The following CDH23 variants were observed in gnomAD, a reference collection of about 807,000 sequenced individuals.
CDH23 encodes cadherin-23.
A neutral mutation model predicts 317.1 loss-of-function variants in CDH23; 189 were observed. The observed-to-expected ratio is 0.60, with a 90% confidence interval of 0.53 to 0.67. CDH23 has a LOEUF of 0.67. Ranked by LOEUF, CDH23 falls within the 30% of genes least tolerant of loss-of-function variation. The pLI, the probability that CDH23 is intolerant of heterozygous loss-of-function variation, is 0.00. For synonymous variants in CDH23, 1,839 were observed against 1,876.8 expected (o/e 0.98, Z 0.52); for missense variants, 4,401 against 4,592.4 (o/e 0.96, Z 1.20).
intron 11 of CDH23, among the ~76,000 whole-genome samples, chr10:71,629,488 G>T (rs1380555339): frequency 6.6e-6 from 1 of 152,238 alleles, no homozygotes; most frequent in African/African-American, 2.4e-5. Context: ...CTGTGGTCAG[G>T]ACTTGGCTCT....
intron 38 of CDH23, among the ~76,000 whole-genome samples, chr10:71,759,874 C>CACACACACACATATAT (rs1564779205): frequency 1.4e-5 from 1 of 70,274 alleles, no homozygotes; most frequent in Non-Finnish European, 3.5e-5. Flanking sequence ...CATATATATA[C>CACACACACACATATAT]ACACACACAC....
rs142663207 is a variant in CDH23 at position 71,785,653 on chromosome 10, G to A, written c.5735G>A (p.Arg1912Gln). The A allele has an allele frequency of 6.8e-5, 109 of 1,604,420 alleles. No individual in the cohort carries two copies. The African/African-American group carries it at 1.1e-3, about 16-fold the overall frequency. ...NATTGIVTVN[R>Q]PLDRERIPEY... ...CAGACAGGGATCGTCACTGTGAACC[G>A]GCCCCTGGACCGCGAGCGGATCCCA... Residue 1912 changes from arginine to glutamine, a missense_variant, in exon 44 of 70, where the codon CGG (arginine) becomes CAG (glutamine). Physicochemically the swap from Arg to Gln is conservative, Grantham distance 43. This residue lies in a region of CDH23 where 3,068 missense variants were observed against 3,203.3 expected (regional missense o/e 0.96). Coordinates refer to ENST00000224721, the MANE Select transcript of CDH23 (RefSeq NM_022124.6).
At chr10:71,448,253 C>A (rs1466308435) in intron 3 of CDH23, among the ~76,000 whole-genome samples, 1 of 152,242 alleles carries the variant, frequency 6.6e-6, no homozygotes, top group African/African-American at 2.4e-5. Context: ...GGGCTGGAAG[C>A]CCATGTGGCC....
At chr10:71,618,923 A>G (rs1232205020) in intron 11 of CDH23, among the ~76,000 whole-genome samples, 1 of 152,226 alleles carries the variant, frequency 6.6e-6, no homozygotes, top group Non-Finnish European at 1.5e-5. Flanking sequence ...TAACTAAAGT[A>G]AGTATTGATC....
In CDH23 at chr10:71,521,608, G is replaced by A. The variant is rs569492490; in HGVS notation, c.429+10396G>A. ...TTCCTTCCTGCCAGGAGCCAAACCT[G>A]ACACTTCCTTCCTCAGAACCATCCC... On this transcript the variant is annotated intron_variant, in intron 6 of 69. Coordinates refer to ENST00000224721, the MANE Select transcript of CDH23 (RefSeq NM_022124.6). Among the ~76,000 whole-genome samples the A allele has an allele frequency of 7.1e-4, 108 of 152,294 alleles. 1 individual carries two copies. The highest frequency in any genetic ancestry group is 2.5e-3 in the African/African-American group (102 of 41,540).
intron 62 of CDH23, 126 bp downstream of exon 62, chr10:71,810,695 C>A: frequency 1.2e-6 from 1 of 836,854 alleles, no homozygotes; most frequent in South Asian, 1.6e-5. Flanking sequence ...GTGGGGCCAT[C>A]TCCCAGACTG....
At chr10:71,729,171 T>C (rs771587850) in intron 30 of CDH23, among the ~76,000 whole-genome samples, 1 of 152,154 alleles carries the variant, frequency 6.6e-6, no homozygotes, top group Non-Finnish European at 1.5e-5. Flanking sequence ...ACGTTCATGA[T>C]GTACAGTGCA....
Position 71,797,200 on chromosome 10 carries a change from G to A in CDH23, c.6809G>A (p.Arg2270His), listed in dbSNP as rs139409005. The A allele has an allele frequency of 6.0e-4, 964 of 1,612,490 alleles. No individual in the cohort carries two copies. Among genetic ancestry groups the A allele is most frequent in the Admixed American group, 8.3e-4 (50 of 59,910 alleles). The change falls in exon 49 of 70, where the codon CGC becomes CAC. Residue 2270 changes from arginine (R) to histidine (H), a missense_variant. Coordinates refer to ENST00000224721, the MANE Select transcript of CDH23 (RefSeq NM_022124.6). ...VIDNASDLPE[R>H]SVSVPNAKLT... ...GACAATGCCAGCGACCTACCAGAGC[G>A]CTCTGTCAGTGTGCCAAATGGTAAG...
chr10:71,600,298 G>A (rs367682913), intron 9 of CDH23, among the ~76,000 whole-genome samples: 16 of 151,768 alleles, frequency 1.1e-4, no homozygotes, highest in African/African-American at 2.9e-4. Flanking sequence ...GACCGTACCC[G>A]GCCACACCTT....
chr10:71,791,165 A>G lies in CDH23; in HGVS notation c.6083A>G (p.Asp2028Gly), dbSNP rs762226905. Residue 2028 changes from aspartate (D) to glycine (G), a missense_variant, in exon 47 of 70, where the codon GAC (aspartate) becomes GGC (glycine). Physicochemically the swap from Asp to Gly is moderately conservative, Grantham distance 94. Around this residue, in one of 3 missense-constraint regions of CDH23, gnomAD observed 3,068 missense variants for 3,203.3 expected, o/e 0.96. Coordinates refer to ENST00000224721, the MANE Select transcript of CDH23 (RefSeq NM_022124.6). ...VVTVRSGVII[D>G]REAFSPPILE... ...ACCGTGAGGTCAGGTGTCATCATTG[A>G]CCGGGAGGCATTCTCGCCACCCATC... 6.2e-7 allele frequency: 1 copy of G among 1,612,214 alleles called. No homozygotes were observed. Among genetic ancestry groups the G allele is most frequent in the Non-Finnish European group, 8.5e-7 (1 of 1,179,290 alleles).
intron 3 of CDH23, among the ~76,000 whole-genome samples, chr10:71,503,200 G>A (rs938872046): frequency 6.6e-6 from 1 of 152,222 alleles, no homozygotes; most frequent in African/African-American, 2.4e-5. Context: ...CAGTCTGGTG[G>A]GCAGATTCCT....
At chr10:71,784,795 C>T (rs1426822246) in intron 42 of CDH23, 96 bp from the exon 43 acceptor site, 5 of 906,788 alleles carry the variant, frequency 5.5e-6, no homozygotes, top group Non-Finnish European at 9.1e-6. Context: ...CACCCTCCCT[C>T]CCTCCATGCC....
Position 71,510,998 on chromosome 10 carries a change from G to T in CDH23, c.333G>T (p.Gln111His). 1.9e-6 allele frequency: 3 copies of T among 1,613,870 alleles called. No homozygotes were observed. Among genetic ancestry groups the T allele is most frequent in the Non-Finnish European group, 1.7e-6 (2 of 1,179,782 alleles). ...FTVEFSVSDH[Q>H]GVITRKVNIQ... ...TGGAGTTCTCTGTCAGCGACCACCA[G>T]GGGGTGAGTGTTCCCTGGGGCCCTG... Residue 111 changes from glutamine (Q) to histidine (H), a missense_variant, in exon 5 of 70, where the codon CAG (glutamine) becomes CAT (histidine). Gln to His is a conservative substitution (Grantham distance 24). Coordinates refer to ENST00000224721, the MANE Select transcript of CDH23 (RefSeq NM_022124.6).
At position 71,810,506 on chromosome 10, in the gene CDH23, C is replaced by A. The variant is rs188966938; in HGVS notation, c.9014C>A (p.Ala3005Glu). ...GACAAGAAGGGCCGGGTGAACTTTGCGCAGACAGAACTGCTTATCCACGTG... is the reference window on the plus strand; with the variant it reads ...GACAAGAAGGGCCGGGTGAACTTTGAGCAGACAGAACTGCTTATCCACGTG... ...HVDKKGRVNF[A>E]QTELLIHVVN... The change falls in exon 62 of 70, where the codon GCG becomes GAG. Residue 3005 changes from alanine (A) to glutamate (E), a missense_variant. Ala to Glu is a moderately radical substitution (Grantham distance 107). Around this residue, in one of 3 missense-constraint regions of CDH23, gnomAD observed 1,144 missense variants for 1,138.2 expected, o/e 1.01. Transcript: ENST00000224721. The A allele has an allele frequency of 6.2e-7, 1 of 1,613,828 alleles. No homozygotes were observed. Among genetic ancestry groups the A allele is most frequent in the African/African-American group, 1.3e-5 (1 of 74,938 alleles).
At chr10:71,514,980 GC>G (rs1452521596) in intron 6 of CDH23, among the ~76,000 whole-genome samples, 1 of 152,230 alleles carries the variant, frequency 6.6e-6, no homozygotes, top group Non-Finnish European at 1.5e-5. Context: ...AGGGGCGCGT[GC>G]CCGCCTCGCT....
At chr10:71,783,180 T>G (rs1439367324) in intron 41 of CDH23, among the ~76,000 whole-genome samples, 1 of 152,220 alleles carries the variant, frequency 6.6e-6, no homozygotes, top group African/African-American at 2.4e-5. Context: ...AGGTGGCCTC[T>G]CTTCTGCAGG....
At chr10:71,693,653 A>T (rs936152226) in intron 20 of CDH23, among the ~76,000 whole-genome samples, 1 of 152,150 alleles carries the variant, frequency 6.6e-6, no homozygotes, top group South Asian at 2.1e-4. Context: ...GATTTCCATG[A>T]TCTTAATTAA....
At chr10:71,440,387 A>C (rs1849818651) in intron 2 of CDH23, among the ~76,000 whole-genome samples, 1 of 152,166 alleles carries the variant, frequency 6.6e-6, no homozygotes, top group South Asian at 2.1e-4. Flanking sequence ...GGGTGAATAG[A>C]GTGGTAATGA....
intron 22 of CDH23, among the ~76,000 whole-genome samples, chr10:71,697,513 A>G (rs769357761): frequency 4.6e-5 from 7 of 151,908 alleles, no homozygotes; most frequent in Non-Finnish European, 1.0e-4. Flanking sequence ...CCTTTATAAA[A>G]TTTTTTTTAA....
Sources: gnomAD v4.1 joint callset for allele counts (sites outside exome capture counted in the v4.1 genomes callset) on GRCh38, gnomAD v4.1.1 for gene constraint, gnomAD v4.1.1 regional missense constraint, MANE v1.5 for transcripts, NCBI Gene and HGNC (gene_info 2026-07-23, HGNC 2026-07-21) for gene names.